Variants in ATP6V1H observed in about 807,000 individuals in gnomAD.
The protein encoded by ATP6V1H is V-type proton ATPase subunit H.
ATP6V1H carries 39 observed loss-of-function variants against 71.7 expected under a neutral mutation model. The ratio of observed to expected loss-of-function variants is 0.54; its 90% confidence interval spans 0.42 to 0.71. ATP6V1H has a LOEUF of 0.71. Ranked by LOEUF, ATP6V1H falls within the 30% of genes least tolerant of loss-of-function variation. The pLI is 0.00. For missense variants in ATP6V1H, 509 were observed against 594.9 expected, an observed-to-expected ratio of 0.86 and a Z score of 1.50; for synonymous variants, 192 against 199.3, an observed-to-expected ratio of 0.96 and a Z score of 0.31.
intron 1 of ATP6V1H, among the ~76,000 whole-genome samples, chr8:53,841,967 G>A (rs549833879): frequency 3.9e-5 from 6 of 152,054 alleles, no homozygotes; most frequent in Non-Finnish European, 8.8e-5. Context: ...TAACACTGCA[G>A]TAAGATTTTT....
intron 13 of ATP6V1H, among the ~76,000 whole-genome samples, chr8:53,723,522 A>G (rs1806698524): frequency 6.6e-6 from 1 of 152,240 alleles, no homozygotes; most frequent in Non-Finnish European, 1.5e-5. Flanking sequence ...AGCCTTCAGG[A>G]AAGAATTCAG....
At position 53,715,854 on chromosome 8, in the gene ATP6V1H, A is replaced by G. The variant is rs1170019145; in HGVS notation, c.*110T>C. 6 of 883,930 alleles carry G rather than the reference A, an allele frequency of 6.8e-6. No homozygotes were observed. Among genetic ancestry groups the G allele is most frequent in the Admixed American group, 2.9e-5 (1 of 34,450 alleles). 54.8% of individuals were successfully genotyped at this position (883,930 alleles called of 1,614,324 possible). On this transcript the variant is annotated 3_prime_UTR_variant, in exon 14 of 14. Transcript: ENST00000359530. ...GGAAATTAGCATTGGGAAAAGCTATATAACAGAGGAAATTCCAAGTAAAAT... is the reference window on the plus strand; with the variant it reads ...GGAAATTAGCATTGGGAAAAGCTATGTAACAGAGGAAATTCCAAGTAAAAT...
intron 9 of ATP6V1H, among the ~76,000 whole-genome samples, chr8:53,775,423 C>T (rs1269708890): frequency 6.6e-6 from 1 of 152,230 alleles, no homozygotes; most frequent in East Asian, 1.9e-4. Context: ...GCCCCACCCA[C>T]ATCCTGCTGA....
intron 7 of ATP6V1H, 124 bp from the exon 8 acceptor site, chr8:53,802,020 C>G: frequency 1.3e-6 from 1 of 767,512 alleles, no homozygotes; most frequent in East Asian, 2.8e-5. Context: ...CCAAAATTCC[C>G]TAATCTCTTT....
At chr8:53,747,002 C>T (rs941394299) in intron 12 of ATP6V1H, among the ~76,000 whole-genome samples, 2 of 152,188 alleles carry the variant, frequency 1.3e-5, no homozygotes, top group African/African-American at 4.8e-5. Flanking sequence ...AGCACTGGTA[C>T]ATACATTTAA....
chr8:53,777,756 T>C (rs527661911), intron 9 of ATP6V1H, among the ~76,000 whole-genome samples: 1 of 152,270 alleles, frequency 6.6e-6, no homozygotes, highest in Non-Finnish European at 1.5e-5. Flanking sequence ...AGTGTTCCAA[T>C]AAAGCTTTAT....
At chr8:53,744,779 C>T (rs1235193109) in intron 12 of ATP6V1H, among the ~76,000 whole-genome samples, 3 of 152,222 alleles carry the variant, frequency 2.0e-5, no homozygotes, top group Non-Finnish European at 4.4e-5. Context: ...TGAGTGCTTA[C>T]TGCAGGCCAG....
chr8:53,759,344 T>C (rs1453573673), intron 11 of ATP6V1H, among the ~76,000 whole-genome samples: 2 of 152,260 alleles, frequency 1.3e-5, no homozygotes, highest in Non-Finnish European at 2.9e-5. Flanking sequence ...TCAATTAAAA[T>C]GTTCTTCAAA....
At chr8:53,823,349 A>G (rs921120230) in intron 4 of ATP6V1H, among the ~76,000 whole-genome samples, 6 of 152,246 alleles carry the variant, frequency 3.9e-5, no homozygotes, top group African/African-American at 1.4e-4. Context: ...TTAAAACATA[A>G]ATATTAAACA....
chr8:53,813,488 T>C (rs1037177248), intron 6 of ATP6V1H, among the ~76,000 whole-genome samples: 1 of 152,154 alleles, frequency 6.6e-6, no homozygotes, highest in African/African-American at 2.4e-5. Context: ...CCTAATAATA[T>C]TGTTTCTCCT....
At chr8:53,796,701 GATC>G (rs1284975909) in intron 8 of ATP6V1H, among the ~76,000 whole-genome samples, 1 of 152,142 alleles carries the variant, frequency 6.6e-6, no homozygotes, top group African/African-American at 2.4e-5. Context: ...ATTAACATTG[GATC>G]ATCATTTGGA....
intron 12 of ATP6V1H, among the ~76,000 whole-genome samples, chr8:53,749,164 A>C (rs895928031): frequency 3.3e-5 from 5 of 152,248 alleles, no homozygotes; most frequent in African/African-American, 1.2e-4. Flanking sequence ...GGAAGCATTA[A>C]TATATTCAGA....
At chr8:53,830,977 T>C (rs1213304741) in intron 3 of ATP6V1H, among the ~76,000 whole-genome samples, 2 of 152,122 alleles carry the variant, frequency 1.3e-5, no homozygotes, top group African/African-American at 2.4e-5. Flanking sequence ...CTAGATTTCA[T>C]CGCACAACTT....
rs535796278 is a variant in ATP6V1H at position 53,761,346 on chromosome 8, A to AAG, written c.1176-4691_1176-4690insCT. The stretch of plus-strand genomic sequence containing the variant: ...AGCGAGACTCCGTCTCAAAAAAAAA[A>AAG]AAAAGAAAAATACCATATACCATTG... On this transcript the variant is annotated intron_variant, in intron 11 of 13. Coordinates refer to ENST00000359530, the MANE Select transcript of ATP6V1H (RefSeq NM_015941.4). Among the ~76,000 whole-genome samples the AAG allele has an allele frequency of 1.6e-3, 246 of 152,258 alleles. 1 individual carries two copies. The highest frequency in any genetic ancestry group is 5.8e-3 in the African/African-American group (240 of 41,556).
intron 10 of ATP6V1H, among the ~76,000 whole-genome samples, chr8:53,771,216 C>T (rs1563458458): frequency 1.3e-5 from 2 of 152,160 alleles, no homozygotes; most frequent in African/African-American, 4.8e-5. Flanking sequence ...GAAAAAGTAG[C>T]CAAACAATTC....
chr8:53,802,544 C>T (rs566491535), intron 7 of ATP6V1H, among the ~76,000 whole-genome samples: 2 of 151,428 alleles, frequency 1.3e-5, no homozygotes, highest in South Asian at 2.1e-4. Context: ...CCTGGTGAAA[C>T]CCCATATCTA....
At chr8:53,825,684 G>GTTTATTA (rs1810805302) in intron 4 of ATP6V1H, among the ~76,000 whole-genome samples, 1 of 152,058 alleles carries the variant, frequency 6.6e-6, no homozygotes, top group African/African-American at 2.4e-5. Flanking sequence ...AATGGTGCTA[G>GTTTATTA]AACAACTGAA....
At chr8:53,802,814 C>T (rs1048748675) in intron 7 of ATP6V1H, among the ~76,000 whole-genome samples, 5 of 152,120 alleles carry the variant, frequency 3.3e-5, no homozygotes, top group Admixed American at 6.5e-5. Flanking sequence ...TTTAAAAACC[C>T]ATATGGCATA....
Position 53,801,857 on chromosome 8 carries a change from G to C in ATP6V1H, c.619C>G (p.Leu207Val). The C allele has an allele frequency of 1.2e-6, 2 of 1,613,982 alleles. No individual in the cohort carries two copies. Among genetic ancestry groups the C allele is most frequent in the East Asian group, 2.2e-5 (1 of 44,870 alleles). Reference sequence around the variant, plus strand: ...CGGTACTCATTGACCCGGAGCATCAGCTGCAAACACCCGGCCACGCACTGC... The same window carrying C: ...CGGTACTCATTGACCCGGAGCATCACCTGCAAACACCCGGCCACGCACTGC... ...YVQCVAGCLQ[L>V]MLRVNEYRFA... Residue 207 changes from leucine (L) to valine (V), a missense_variant, in exon 8 of 14, where the codon CTG (leucine) becomes GTG (valine). Physicochemically the swap from Leu to Val is conservative, Grantham distance 32 (BLOSUM62 1). Coordinates refer to ENST00000359530, the MANE Select transcript of ATP6V1H (RefSeq NM_015941.4).
Sources: gnomAD v4.1 joint callset for allele counts (sites outside exome capture counted in the v4.1 genomes callset) on GRCh38, gnomAD v4.1.1 for gene constraint, MANE v1.5 for transcripts, NCBI Gene and HGNC (gene_info 2026-07-23, HGNC 2026-07-21) for gene names.